Variants in RAP1A observed in about 807,000 individuals in gnomAD.
RAP1A encodes the protein ras-related protein Rap-1A.
Under a neutral mutation model 26.4 loss-of-function variants are expected in RAP1A, and 6 were observed. The ratio of observed to expected loss-of-function variants is 0.23; its 90% confidence interval spans 0.12 to 0.45. The LOEUF (loss-of-function observed/expected upper bound fraction) is 0.45, where lower values mean the gene tolerates loss of function less well. Ranked by LOEUF, RAP1A falls within the 20% of genes least tolerant of loss-of-function variation. The pLI is 0.99. For synonymous variants in RAP1A, 73 were observed against 79.4 expected (o/e 0.92, Z 0.43); for missense variants, 121 against 217.2 (o/e 0.56, Z 2.78).
At chr1:111,652,497 TAAGA>T (rs1003864902) in intron 1 of RAP1A, among the ~76,000 whole-genome samples, 1 of 151,740 alleles carries the variant, frequency 6.6e-6, no homozygotes, top group African/African-American at 2.4e-5. Context: ...TTTTTTTAAA[TAAGA>T]AAGAATAATA....
At chr1:111,612,013 G>GTT (rs36008061) in intron 1 of RAP1A, among the ~76,000 whole-genome samples, 27 of 144,124 alleles carry the variant, frequency 1.9e-4, no homozygotes, top group Admixed American at 7.5e-4. Flanking sequence ...ACGTGCTTGA[G>GTT]TTTTTTTTTT....
chr1:111,698,415 C>A (rs117784017), intron 4 of RAP1A, among the ~76,000 whole-genome samples: 1 of 152,042 alleles, frequency 6.6e-6, no homozygotes, highest in African/African-American at 2.4e-5. Context: ...ATTAAAGGCA[C>A]GTACCACCAC....
chr1:111,642,033 T>A (rs1354725040), intron 1 of RAP1A, among the ~76,000 whole-genome samples: 1 of 151,878 alleles, frequency 6.6e-6, no homozygotes. Flanking sequence ...TCACCTGAGG[T>A]TGGTAGTTTG....
At chr1:111,707,199 G>A (rs765851113) in intron 6 of RAP1A, among the ~76,000 whole-genome samples, 1 of 152,096 alleles carries the variant, frequency 6.6e-6, no homozygotes, top group East Asian at 1.9e-4. Context: ...AGTCACTTTT[G>A]TAGCTTTTGG....
At chr1:111,678,323 A>G (rs4839157) in intron 1 of RAP1A, among the ~76,000 whole-genome samples, 19,245 of 152,212 alleles carry the variant, frequency 0.13, 1,544 homozygotes, top group South Asian at 0.17. Flanking sequence ...AGTCTTGCAC[A>G]TATTTTGCTA....
intron 1 of RAP1A, among the ~76,000 whole-genome samples, chr1:111,586,446 G>A (rs1658365839): frequency 2.0e-5 from 3 of 152,164 alleles, no homozygotes; most frequent in African/African-American, 7.2e-5. Context: ...GGCCATGCAT[G>A]GTGGCATGCA....
chr1:111,662,472 G>A (rs1394162258), intron 1 of RAP1A, among the ~76,000 whole-genome samples: 1 of 151,676 alleles, frequency 6.6e-6, no homozygotes, highest in African/African-American at 2.4e-5. Flanking sequence ...CAAAACAAAG[G>A]TGTCTAGGGG....
intron 1 of RAP1A, among the ~76,000 whole-genome samples, chr1:111,614,778 A>G (rs866202889): frequency 6.6e-6 from 1 of 152,220 alleles, no homozygotes; most frequent in African/African-American, 2.4e-5. Context: ...TTCAGTGGCT[A>G]TTTGAAGAGT....
In RAP1A at chr1:111,642,749, G is replaced by A. The variant is rs538610385; in HGVS notation, c.-28+22815G>A. ...TGATCCACCCGCCTTGGCCTCCCAA[G>A]GAGCTGGGATTACAGGCGTGAGCCG... On this transcript the variant is annotated intron_variant, in intron 1 of 7. Transcript: ENST00000369709. Among the ~76,000 whole-genome samples, 441 of 151,208 alleles carry A rather than the reference G, an allele frequency of 2.9e-3. 4 individuals carry two copies. The highest frequency in any genetic ancestry group is 0.01 in the African/African-American group (428 of 41,174).
chr1:111,628,320 T>G (rs1659461846), intron 1 of RAP1A, among the ~76,000 whole-genome samples: 3 of 152,142 alleles, frequency 2.0e-5, no homozygotes, highest in Admixed American at 2.0e-4. Flanking sequence ...AGGAGGGGAA[T>G]GGTGGACATT....
chr1:111,543,410 T>A (rs926104963), intron 1 of RAP1A, among the ~76,000 whole-genome samples: 1 of 152,094 alleles, frequency 6.6e-6, no homozygotes, highest in Non-Finnish European at 1.5e-5. Context: ...AAATACCATC[T>A]CCCGTCTATT....
chr1:111,597,721 TATACACCTAGAACA>T (rs1658588219), intron 1 of RAP1A, among the ~76,000 whole-genome samples: 1 of 152,016 alleles, frequency 6.6e-6, no homozygotes, highest in Non-Finnish European at 1.5e-5. Flanking sequence ...AGGGGAGAAA[TATACACCTAGAACA>T]ATTGAAGTTG....
At chr1:111,650,093 CTTT>C (rs57681662) in intron 1 of RAP1A, among the ~76,000 whole-genome samples, 9,151 of 76,044 alleles carry the variant, frequency 0.12, 426 homozygotes, top group African/African-American at 0.25. Flanking sequence ...TGGTAGAGTG[CTTT>C]TTTTTTTTTT....
At chr1:111,619,709 A>T (rs761944950), upstream of RAP1A, 31 of 392,692 alleles carry the variant, frequency 7.9e-5, 1 homozygote, top group South Asian at 1.3e-4. Flanking sequence ...AAGCCCAGCC[A>T]TCGCCAACTT....
intron 1 of RAP1A, among the ~76,000 whole-genome samples, chr1:111,613,356 T>C (rs986606305): frequency 2.0e-5 from 3 of 152,134 alleles, no homozygotes; most frequent in South Asian, 2.1e-4. Context: ...CCCGCCACCA[T>C]GCCCGGCTAA....
intron 1 of RAP1A, among the ~76,000 whole-genome samples, chr1:111,683,793 G>C (rs1661379285): frequency 6.6e-6 from 1 of 152,108 alleles, no homozygotes; most frequent in Non-Finnish European, 1.5e-5. Flanking sequence ...AAGAGCGACT[G>C]CTCCCTAACT....
At position 111,585,991 on chromosome 1, in the gene RAP1A, T is replaced by G. The variant is rs768920857; in HGVS notation, c.-28+43482T>G. Reference sequence around the variant, plus strand: ...GCTTGGTTGATTTTAGACAGTTCATTTGTATGTATCTCACTAATAAAACAA... The same window carrying G: ...GCTTGGTTGATTTTAGACAGTTCATGTGTATGTATCTCACTAATAAAACAA... On this transcript the variant is annotated intron_variant, in intron 1 of 7. Transcript: ENST00000356415. Among the ~76,000 whole-genome samples the G allele has an allele frequency of 7.9e-5, 12 of 152,318 alleles. No homozygotes were observed. The East Asian group carries it at 1.9e-3, about 24-fold the overall frequency.
intron 1 of RAP1A, among the ~76,000 whole-genome samples, chr1:111,613,988 T>G (rs1320362818): frequency 6.6e-6 from 1 of 152,250 alleles, no homozygotes; most frequent in Admixed American, 6.5e-5. Flanking sequence ...AAACATTTAC[T>G]AAGAACCTAC....
chr1:111,634,549 A>G (rs927931898), intron 1 of RAP1A, among the ~76,000 whole-genome samples: 1 of 150,184 alleles, frequency 6.7e-6, no homozygotes, highest in Non-Finnish European at 1.5e-5. Context: ...ATGTATTATT[A>G]TATGTCATAT....
Sources: allele counts gnomAD v4.1 joint callset (sites outside exome capture counted in the v4.1 genomes callset), GRCh38; gene constraint gnomAD v4.1.1; transcripts MANE v1.5; gene names NCBI Gene and HGNC (gene_info 2026-07-23, HGNC 2026-07-21).